VMP1: variants seen among roughly 807,000 people sequenced by gnomAD.
The protein encoded by VMP1 is vacuole membrane protein 1.
VMP1 carries 11 observed loss-of-function variants against 56.0 expected under a neutral mutation model. That is an observed-to-expected ratio of 0.20 (90% CI 0.12 to 0.32). The LOEUF (loss-of-function observed/expected upper bound fraction) is 0.32, where lower values mean the gene tolerates loss of function less well. Among genes scored for constraint, VMP1 ranks in the 10% least tolerant of loss-of-function variants. VMP1 has a pLI of 1.00. For synonymous variants in VMP1, 149 were observed against 165.0 expected, an observed-to-expected ratio of 0.90 and a Z score of 0.74; for missense variants, 296 against 490.3, an observed-to-expected ratio of 0.60 and a Z score of 3.74.
Position 59,840,353 on chromosome 17 carries a change from A to C in VMP1, c.*442A>C, listed in dbSNP as rs1240246421. On this transcript the variant is annotated 3_prime_UTR_variant, in exon 12 of 12. Transcript: ENST00000262291. Reference sequence around the variant, plus strand: ...TATCTAGATTGGATAACAGTCTTGCATGTTTATCATGTTACAATTTAATAT... The same window carrying C: ...TATCTAGATTGGATAACAGTCTTGCCTGTTTATCATGTTACAATTTAATAT... 1.8e-5 allele frequency: 3 copies of C among 162,614 alleles called. No individual in the cohort carries two copies. Among genetic ancestry groups the C allele is most frequent in the Non-Finnish European group, 2.7e-5 (2 of 74,732 alleles). The allele number at this position is 162,614 out of a possible 1,614,324, so 10.1% of individuals were successfully genotyped here.
chr17:59,814,285 A>AT (rs879270365), intron 9 of VMP1, among the ~76,000 whole-genome samples: 2 of 152,238 alleles, frequency 1.3e-5, no homozygotes, highest in African/African-American at 2.4e-5. Context: ...CCGATGAGTG[A>AT]TTTTTTTATG....
At chr17:59,831,972 C>G (rs1442036968) in intron 10 of VMP1, among the ~76,000 whole-genome samples, 1 of 152,010 alleles carries the variant, frequency 6.6e-6, no homozygotes, top group African/African-American at 2.4e-5. Flanking sequence ...TCCATCCCAA[C>G]TCCTGGGCTC....
intron 7 of VMP1, among the ~76,000 whole-genome samples, chr17:59,791,162 A>G (rs189995178): frequency 6.8e-6 from 1 of 147,778 alleles, no homozygotes; most frequent in Admixed American, 6.9e-5. Context: ...TTAATAAACA[A>G]TTTAAGACTG....
chr17:59,731,901 A>T (rs1568039437), intron 2 of VMP1, among the ~76,000 whole-genome samples: 1 of 152,218 alleles, frequency 6.6e-6, no homozygotes, highest in African/African-American at 2.4e-5. Flanking sequence ...ATATTATTTA[A>T]AAATTTATTT....
intron 1 of VMP1, among the ~76,000 whole-genome samples, chr17:59,730,680 G>C (rs2034789726): frequency 6.6e-6 from 1 of 152,158 alleles, no homozygotes; most frequent in East Asian, 1.9e-4. Flanking sequence ...TGCTTTTTGA[G>C]TAGAAAGTTT....
chr17:59,787,369 A>T (rs906256436), intron 7 of VMP1, among the ~76,000 whole-genome samples: 16 of 152,280 alleles, frequency 1.1e-4, no homozygotes, highest in Admixed American at 7.2e-4. Context: ...TCATTCCCAT[A>T]TTATCAACAA....
At chr17:59,832,923 C>A (rs991465024) in intron 10 of VMP1, among the ~76,000 whole-genome samples, 1 of 151,838 alleles carries the variant, frequency 6.6e-6, no homozygotes, top group East Asian at 1.9e-4. Flanking sequence ...AATGGTAATT[C>A]TTTGAATTTA....
intron 9 of VMP1, among the ~76,000 whole-genome samples, chr17:59,815,855 CAAAAAAAAA>C (rs71145576): frequency 2.9e-4 from 31 of 106,402 alleles, no homozygotes; most frequent in Non-Finnish European, 4.6e-4. Context: ...GACTCCGTCT[CAAAAAAAAA>C]AAAAAAAAAA....
chr17:59,714,325 C>T (rs2034064857), intron 1 of VMP1, among the ~76,000 whole-genome samples: 1 of 152,008 alleles, frequency 6.6e-6, no homozygotes, highest in South Asian at 2.1e-4. Context: ...CATGATAACC[C>T]ATTAATCCAT....
At chr17:59,783,703 C>A (rs1203252027) in intron 7 of VMP1, among the ~76,000 whole-genome samples, 3 of 152,132 alleles carry the variant, frequency 2.0e-5, no homozygotes, top group African/African-American at 7.2e-5. Flanking sequence ...GTAATTAATT[C>A]TTTAAGGCCT....
chr17:59,775,134 C>T (rs867222332), intron 7 of VMP1, among the ~76,000 whole-genome samples: 7 of 151,680 alleles, frequency 4.6e-5, no homozygotes, highest in Non-Finnish European at 8.8e-5. Context: ...TTAGTAGAGA[C>T]GGGGTTTCAC....
chr17:59,778,575 C>CT (rs2036711454), intron 7 of VMP1, among the ~76,000 whole-genome samples: 1 of 151,646 alleles, frequency 6.6e-6, no homozygotes, highest in African/African-American at 2.4e-5. Context: ...CACTTAAAAG[C>CT]TAAGTGGAAG....
intron 2 of VMP1, 63 bp from the exon 3 acceptor site, chr17:59,735,275 A>G: frequency 6.4e-7 from 1 of 1,574,234 alleles, no homozygotes; most frequent in Non-Finnish European, 8.6e-7. Flanking sequence ...ATCTAAAGTG[A>G]TTGAAGAGAA....
chr17:59,724,372 G>T (rs1423882219), intron 1 of VMP1, among the ~76,000 whole-genome samples: 1 of 151,992 alleles, frequency 6.6e-6, no homozygotes, highest in African/African-American at 2.4e-5. Flanking sequence ...TCAATTTTAG[G>T]TTTGAGCTTT....
intron 1 of VMP1, among the ~76,000 whole-genome samples, chr17:59,711,857 A>T (rs894169643): frequency 2.0e-5 from 3 of 152,204 alleles, no homozygotes; most frequent in Non-Finnish European, 4.4e-5. Flanking sequence ...TCAGTAGTTC[A>T]TGGGAGTATT....
chr17:59,784,764 G>A (rs1598390250), intron 7 of VMP1: 1 of 152,182 alleles, frequency 6.6e-6, no homozygotes, highest in Non-Finnish European at 1.5e-5. Flanking sequence ...AAGAAAGGAA[G>A]ATTTAACTGT....
At chr17:59,745,222 T>A (rs909664430) in intron 5 of VMP1, among the ~76,000 whole-genome samples, 2 of 152,228 alleles carry the variant, frequency 1.3e-5, no homozygotes, top group African/African-American at 4.8e-5. Flanking sequence ...TACGTCATAA[T>A]CTAACCTATC....
At chr17:59,825,325 G>A (rs1041908500) in intron 10 of VMP1, among the ~76,000 whole-genome samples, 3 of 150,612 alleles carry the variant, frequency 2.0e-5, no homozygotes, top group Non-Finnish European at 4.4e-5. Flanking sequence ...ACCCGCCTTG[G>A]CATCCCAAAG....
At chr17:59,792,546 T>C (rs1004851563) in intron 7 of VMP1, among the ~76,000 whole-genome samples, 10 of 152,130 alleles carry the variant, frequency 6.6e-5, no homozygotes, top group African/African-American at 2.4e-4. Context: ...CTACTGATTT[T>C]TTTTATTTCA....
Sources: gnomAD v4.1 joint callset for allele counts (sites outside exome capture counted in the v4.1 genomes callset) on GRCh38, gnomAD v4.1.1 for gene constraint, MANE v1.5 for transcripts, NCBI Gene and HGNC (gene_info 2026-07-23, HGNC 2026-07-21) for gene names.